LRRTM4: variants seen among roughly 807,000 people sequenced by gnomAD.
LRRTM4 encodes the protein leucine-rich repeat transmembrane neuronal protein 4.
Under a neutral mutation model 47.6 loss-of-function variants are expected in LRRTM4, and 25 were observed. The ratio of observed to expected loss-of-function variants is 0.53; its 90% CI spans 0.38 to 0.73. The LOEUF is 0.73. Ranked by LOEUF, LRRTM4 falls within the 30% of genes least tolerant of loss-of-function variation. The pLI is 0.00. For missense variants in LRRTM4, 638 were observed against 713.4 expected, an observed-to-expected ratio of 0.89 and a Z score of 1.20; for synonymous variants, 311 against 269.5, an observed-to-expected ratio of 1.15 and a Z score of -1.51.
chr2:77,117,286 A>G (rs1457493006), intron 3 of LRRTM4, among the ~76,000 whole-genome samples: 3 of 151,990 alleles, frequency 2.0e-5, no homozygotes, highest in Non-Finnish European at 4.4e-5. Flanking sequence ...ATAGTTTTTG[A>G]AATATAAAAT....
intron 3 of LRRTM4, among the ~76,000 whole-genome samples, chr2:76,879,610 G>A (rs1046709884): frequency 2.0e-5 from 3 of 152,164 alleles, no homozygotes; most frequent in African/African-American, 7.2e-5. Flanking sequence ...TTGTTTTCAT[G>A]CCTGTTAACT....
chr2:77,319,454 G>A (rs1351739359), intron 3 of LRRTM4, among the ~76,000 whole-genome samples: 1 of 151,470 alleles, frequency 6.6e-6, no homozygotes, highest in African/African-American at 2.4e-5. Context: ...ACACCTACCT[G>A]CTACTTGATT....
intron 3 of LRRTM4, among the ~76,000 whole-genome samples, chr2:77,019,892 A>C (rs1259005817): frequency 6.6e-6 from 1 of 152,086 alleles, no homozygotes; most frequent in Non-Finnish European, 1.5e-5. Context: ...CTGTGGGTGA[A>C]GGTTGAAAGA....
chr2:77,280,172 A>G (rs953574314), intron 3 of LRRTM4, among the ~76,000 whole-genome samples: 1 of 151,992 alleles, frequency 6.6e-6, no homozygotes, highest in African/African-American at 2.4e-5. Flanking sequence ...AAGCAGAGAG[A>G]AATACACCAT....
chr2:76,822,165 C>T (rs557148975), intron 3 of LRRTM4, among the ~76,000 whole-genome samples: 7 of 151,372 alleles, frequency 4.6e-5, no homozygotes, highest in Admixed American at 2.0e-4. Flanking sequence ...CTTTTTTGAA[C>T]AGCACGTGCC....
chr2:77,290,012 C>CTT (rs113388278), intron 3 of LRRTM4, among the ~76,000 whole-genome samples: 210 of 151,478 alleles, frequency 1.4e-3, no homozygotes, highest in African/African-American at 5.0e-3. Flanking sequence ...AGTTTGTTTG[C>CTT]TTTTTTTTAG....
At chr2:77,150,040 G>T (rs533723157) in intron 3 of LRRTM4, among the ~76,000 whole-genome samples, 16 of 152,140 alleles carry the variant, frequency 1.1e-4, no homozygotes, top group African/African-American at 3.9e-4. Flanking sequence ...GTTTCTAGCT[G>T]ACTCTTGGAA....
chr2:77,060,624 T>C (rs1361620675), intron 3 of LRRTM4, among the ~76,000 whole-genome samples: 1 of 152,106 alleles, frequency 6.6e-6, no homozygotes, highest in Non-Finnish European at 1.5e-5. Flanking sequence ...TGTGCAATAT[T>C]AAGGGAATAT....
chr2:77,055,353 C>T (rs976817496), intron 3 of LRRTM4, among the ~76,000 whole-genome samples: 1 of 152,194 alleles, frequency 6.6e-6, no homozygotes, highest in Non-Finnish European at 1.5e-5. Context: ...ACGTACATCT[C>T]TTCTTGTTTA....
intron 3 of LRRTM4, among the ~76,000 whole-genome samples, chr2:76,980,582 A>G (rs1676570490): frequency 6.6e-6 from 1 of 152,078 alleles, no homozygotes. Context: ...TGGCATCAGC[A>G]TGATTAAGAC....
At chr2:76,803,295 T>C (rs577903408) in intron 3 of LRRTM4, among the ~76,000 whole-genome samples, 57 of 152,188 alleles carry the variant, frequency 3.7e-4, no homozygotes, top group African/African-American at 1.2e-3. Flanking sequence ...AGAATCTGAA[T>C]AGACATTTCT....
At chr2:76,982,943 CTTTT>C (rs962354726) in intron 3 of LRRTM4, among the ~76,000 whole-genome samples, 3 of 151,244 alleles carry the variant, frequency 2.0e-5, no homozygotes, top group African/African-American at 7.3e-5. Flanking sequence ...TTTTAAACTT[CTTTT>C]TTGTTTTAAG....
chr2:77,214,396 C>T (rs1361746103), intron 3 of LRRTM4, among the ~76,000 whole-genome samples: 1 of 152,074 alleles, frequency 6.6e-6, no homozygotes, highest in East Asian at 1.9e-4. Flanking sequence ...TATACTGCTG[C>T]CCAGCTTCGT....
intron 3 of LRRTM4, among the ~76,000 whole-genome samples, chr2:77,361,595 C>G (rs559213536): frequency 3.3e-5 from 5 of 152,090 alleles, no homozygotes; most frequent in Non-Finnish European, 5.9e-5. Context: ...AAAGAATTGT[C>G]TAAAAAACAT....
At chr2:77,418,179 T>C (rs1343461964) in intron 3 of LRRTM4, among the ~76,000 whole-genome samples, 1 of 152,074 alleles carries the variant, frequency 6.6e-6, no homozygotes, top group East Asian at 1.9e-4. Flanking sequence ...TTTTTGATAT[T>C]TTTTTTGAGC....
intron 3 of LRRTM4, among the ~76,000 whole-genome samples, chr2:77,375,027 T>A (rs1672782678): frequency 6.6e-6 from 1 of 151,760 alleles, no homozygotes; most frequent in Admixed American, 6.6e-5. Flanking sequence ...TTTTTCTGAA[T>A]CTTAGTCCAA....
At chr2:77,467,545 C>T (rs773446360) in intron 3 of LRRTM4, among the ~76,000 whole-genome samples, 1 of 152,106 alleles carries the variant, frequency 6.6e-6, no homozygotes, top group Non-Finnish European at 1.5e-5. Flanking sequence ...GTACATGTAA[C>T]CTTGAACACT....
At chr2:76,792,425 T>C (rs984754047) in intron 3 of LRRTM4, among the ~76,000 whole-genome samples, 2 of 152,178 alleles carry the variant, frequency 1.3e-5, no homozygotes, top group African/African-American at 4.8e-5. Context: ...ACATCTTTCA[T>C]GCAAAACACT....
At chr2:77,403,932 A>G (rs1276044935) in intron 3 of LRRTM4, among the ~76,000 whole-genome samples, 8 of 151,034 alleles carry the variant, frequency 5.3e-5, no homozygotes, top group Admixed American at 4.6e-4. Context: ...TTTATTCACT[A>G]AATGGAAGAA....
Sources: allele counts gnomAD v4.1 joint callset (sites outside exome capture counted in the v4.1 genomes callset), GRCh38; gene constraint gnomAD v4.1.1; transcripts MANE v1.5; gene names NCBI Gene and HGNC (gene_info 2026-07-23, HGNC 2026-07-21).